The following DLG2 variants were observed in gnomAD, a reference collection of about 807,000 sequenced individuals.
DLG2 encodes the protein discs large MAGUK scaffold protein 2.
A neutral mutation model predicts 132.5 loss-of-function variants in DLG2; 45 were observed. That is an observed-to-expected ratio of 0.34 (90% CI 0.27 to 0.44). The LOEUF (loss-of-function observed/expected upper bound fraction) is 0.44. DLG2 is among the 20% of genes least tolerant of loss of function. The pLI, the probability that DLG2 is intolerant of heterozygous loss-of-function variation, is 1.00. For missense variants in DLG2, 1,045 were observed against 1,196.9 expected, an observed-to-expected ratio of 0.87 and a Z score of 1.87; for synonymous variants, 424 against 419.6, an observed-to-expected ratio of 1.01 and a Z score of -0.13.
chr11:83,494,500 T>G (rs544582459), intron 21 of DLG2, among the ~76,000 whole-genome samples: 1 of 151,502 alleles, frequency 6.6e-6, no homozygotes, highest in East Asian at 1.9e-4. Flanking sequence ...TCCCACAAGA[T>G]GAAGGAACAA....
chr11:84,767,166 T>G (rs1213531077), intron 6 of DLG2, among the ~76,000 whole-genome samples: 1 of 152,064 alleles, frequency 6.6e-6, no homozygotes, highest in Non-Finnish European at 1.5e-5. Context: ...TAGCACAAAG[T>G]GTAATAATAC....
At chr11:83,464,974 T>C (rs1379486049) in intron 26 of DLG2, among the ~76,000 whole-genome samples, 1 of 152,220 alleles carries the variant, frequency 6.6e-6, no homozygotes, top group African/African-American at 2.4e-5. Context: ...AAATTTGTAC[T>C]TGCTTAATTC....
At chr11:84,313,191 C>T (rs892065737) in intron 7 of DLG2, among the ~76,000 whole-genome samples, 1 of 151,930 alleles carries the variant, frequency 6.6e-6, no homozygotes, top group African/African-American at 2.4e-5. Context: ...CTTTGACTCA[C>T]TGCAACCTCC....
chr11:84,864,210 G>A (rs893701962), intron 6 of DLG2, among the ~76,000 whole-genome samples: 1 of 152,192 alleles, frequency 6.6e-6, no homozygotes, highest in Non-Finnish European at 1.5e-5. Flanking sequence ...TAGAAGGGAT[G>A]TGTGCTTCTC....
At chr11:84,011,077 T>C (rs2094862746) in intron 11 of DLG2, among the ~76,000 whole-genome samples, 1 of 152,020 alleles carries the variant, frequency 6.6e-6, no homozygotes, top group African/African-American at 2.4e-5. Context: ...TTGGCCACTA[T>C]AAAAAATAAA....
chr11:84,857,958 T>A (rs2083018447), intron 6 of DLG2, among the ~76,000 whole-genome samples: 1 of 152,014 alleles, frequency 6.6e-6, no homozygotes, highest in African/African-American at 2.4e-5. Flanking sequence ...AGTGATTCAG[T>A]CAATGCTCAC....
intron 7 of DLG2, among the ~76,000 whole-genome samples, chr11:84,474,805 C>T (rs2099117331): frequency 6.6e-6 from 1 of 151,962 alleles, no homozygotes; most frequent in Admixed American, 6.6e-5. Flanking sequence ...AAGAGTGGGG[C>T]CATGGCCTTT....
chr11:84,860,341 A>G (rs1009850206), intron 6 of DLG2, among the ~76,000 whole-genome samples: 2 of 152,080 alleles, frequency 1.3e-5, no homozygotes, highest in Non-Finnish European at 2.9e-5. Flanking sequence ...CCCAGTGGGG[A>G]CAAGTACAAT....
At chr11:84,756,086 C>T (rs762170618) in intron 6 of DLG2, among the ~76,000 whole-genome samples, 6 of 151,882 alleles carry the variant, frequency 4.0e-5, no homozygotes, top group Non-Finnish European at 5.9e-5. Flanking sequence ...TGGGGATATG[C>T]GAGACTATTT....
intron 19 of DLG2, chr11:83,631,467 T>C (rs888688397): frequency 2.6e-5 from 4 of 152,100 alleles, no homozygotes; most frequent in African/African-American, 9.7e-5. Context: ...AAGAGGTTCC[T>C]CCTTTCAATA....
intron 17 of DLG2, among the ~76,000 whole-genome samples, chr11:83,799,588 G>A (rs2043792715): frequency 6.6e-6 from 1 of 152,140 alleles, no homozygotes. Context: ...AATACTTCTG[G>A]AAGCCAAACA....
At chr11:83,480,612 G>C (rs2093023662) in intron 22 of DLG2, 1 of 1,557,464 alleles carries the variant, frequency 6.4e-7, no homozygotes, top group African/African-American at 1.4e-5. Context: ...CCCGCTGCTT[G>C]ATTGCTGTTT....
chr11:83,755,405 A>G (rs1566838619), intron 18 of DLG2, among the ~76,000 whole-genome samples: 1 of 151,276 alleles, frequency 6.6e-6, no homozygotes, highest in Non-Finnish European at 1.5e-5. Flanking sequence ...TTTCATTTCA[A>G]TGTAATAGTC....
At chr11:84,378,461 T>A (rs1489291450) in intron 7 of DLG2, among the ~76,000 whole-genome samples, 1 of 152,136 alleles carries the variant, frequency 6.6e-6, no homozygotes, top group Non-Finnish European at 1.5e-5. Flanking sequence ...TAATATTTAG[T>A]CATAGCAGCC....
chr11:84,250,678 C>G (rs2097360404), intron 8 of DLG2, among the ~76,000 whole-genome samples: 2 of 152,194 alleles, frequency 1.3e-5, no homozygotes, highest in Admixed American at 6.5e-5. Context: ...CTTTTGCCAT[C>G]ATAGTGGTTG....
chr11:84,207,690 A>T (rs1277037973), intron 8 of DLG2, among the ~76,000 whole-genome samples: 1 of 152,192 alleles, frequency 6.6e-6, no homozygotes, highest in Non-Finnish European at 1.5e-5. Context: ...AAGTTCATAA[A>T]AGAAAACATT....
intron 12 of DLG2, among the ~76,000 whole-genome samples, chr11:83,973,740 C>G (rs1399529295): frequency 1.3e-5 from 2 of 151,952 alleles, no homozygotes; most frequent in Non-Finnish European, 2.9e-5. Flanking sequence ...ATCCCTACCC[C>G]AGAAATCCAG....
At position 84,934,457 on chromosome 11, in the gene DLG2, C is replaced by T. The variant is rs1345822092; in HGVS notation, c.357+177204G>A. On this transcript the variant is annotated intron_variant, in intron 6 of 27. Transcript: ENST00000376104. Reference sequence around the variant, plus strand: ...TTCAGTAGGAGTGATACCAGCTCTTCTTTGTACATCCTCTTTGTACATCTG... The same window carrying T: ...TTCAGTAGGAGTGATACCAGCTCTTTTTTGTACATCCTCTTTGTACATCTG... Among the ~76,000 whole-genome samples the T allele has an allele frequency of 2.7e-5, 3 of 110,150 alleles. No individual in the cohort carries two copies. In the East Asian group the frequency reaches 9.7e-4, roughly 36 times the overall value. 72.3% of individuals were successfully genotyped at this position (110,150 alleles called of 152,430 possible). A position where few individuals can be genotyped will look rare whatever the true frequency, so the allele number is the denominator to read the frequency against.
chr11:84,107,146 G>A (rs983726282), intron 9 of DLG2, among the ~76,000 whole-genome samples: 13 of 152,000 alleles, frequency 8.6e-5, no homozygotes, highest in Admixed American at 2.6e-4. Flanking sequence ...AAGCCCCTGG[G>A]AAAGGGAGAT....
Sources: gnomAD v4.1 joint callset for allele counts (sites outside exome capture counted in the v4.1 genomes callset) on GRCh38, gnomAD v4.1.1 for gene constraint, MANE v1.5 for transcripts, NCBI Gene and HGNC (gene_info 2026-07-23, HGNC 2026-07-21) for gene names.